Variants in EIF2AK2 observed in about 807,000 individuals in gnomAD.
The protein encoded by EIF2AK2 is eukaryotic translation initiation factor 2 alpha kinase 2.
EIF2AK2 carries 40 observed loss-of-function variants against 70.5 expected under a neutral mutation model. That is an observed-to-expected ratio of 0.57 (90% confidence interval 0.44 to 0.74). EIF2AK2 has a LOEUF of 0.74. Among genes scored for constraint, EIF2AK2 ranks in the 30% least tolerant of loss-of-function variants. EIF2AK2 has a pLI of 0.00. For missense variants in EIF2AK2, 555 were observed against 644.3 expected, an observed-to-expected ratio of 0.86 and a Z score of 1.50; for synonymous variants, 198 against 220.9, an observed-to-expected ratio of 0.90 and a Z score of 0.92.
chr2:37,109,714 T>G (rs920675168), intron 14 of EIF2AK2, among the ~76,000 whole-genome samples: 1 of 152,242 alleles, frequency 6.6e-6, no homozygotes, highest in African/African-American at 2.4e-5. Flanking sequence ...TGTGGCATAT[T>G]CATACAATGG....
chr2:37,142,409 A>T (rs1032869782), intron 4 of EIF2AK2, among the ~76,000 whole-genome samples: 8 of 152,168 alleles, frequency 5.3e-5, no homozygotes, highest in African/African-American at 1.9e-4. Flanking sequence ...CTAGGATTAG[A>T]GGTGTGAGCC....
Position 37,117,332 on chromosome 2 carries a change from G to C in EIF2AK2, c.1249-2473C>G, listed in dbSNP as rs570420340. Among the ~76,000 whole-genome samples, 4 of 152,264 alleles carry C rather than the reference G, an allele frequency of 2.6e-5. No individual in the cohort carries two copies. In the East Asian group the frequency reaches 7.7e-4, roughly 29 times the overall value. ...GTCGGCAGATCACTTGAGCTCAGGAGTTCGAGACCAACCAGGGCAACATGG... is the reference window on the plus strand; with the variant it reads ...GTCGGCAGATCACTTGAGCTCAGGACTTCGAGACCAACCAGGGCAACATGG... On this transcript the variant is annotated intron_variant, in intron 13 of 16. Coordinates refer to ENST00000233057, the MANE Select transcript of EIF2AK2 (RefSeq NM_001135651.3).
At chr2:37,117,850 T>G (rs981246538) in intron 13 of EIF2AK2, among the ~76,000 whole-genome samples, 2 of 152,160 alleles carry the variant, frequency 1.3e-5, no homozygotes, top group African/African-American at 4.8e-5. Context: ...AGAGGGGCTG[T>G]GTTAGGTAAA....
At chr2:37,153,737 G>A (rs924410877) in intron 1 of EIF2AK2, among the ~76,000 whole-genome samples, 1 of 152,082 alleles carries the variant, frequency 6.6e-6, no homozygotes, top group Non-Finnish European at 1.5e-5. Flanking sequence ...ATTTATGAAT[G>A]GACACTGGTT....
chr2:37,148,351 TAAGTG>T, intron 2 of EIF2AK2, among the ~76,000 whole-genome samples: 1 of 152,120 alleles, frequency 6.6e-6, no homozygotes, highest in East Asian at 1.9e-4. Context: ...GTATATATAA[TAAGTG>T]AAGTGGAGTG....
At chr2:37,119,378 A>C (rs992429857) in intron 13 of EIF2AK2, among the ~76,000 whole-genome samples, 1 of 152,100 alleles carries the variant, frequency 6.6e-6, no homozygotes, top group Non-Finnish European at 1.5e-5. Context: ...CATATTCCTA[A>C]AGCAACAGTC....
intron 5 of EIF2AK2, among the ~76,000 whole-genome samples, chr2:37,141,288 G>A (rs1203288760): frequency 6.6e-6 from 1 of 152,014 alleles, no homozygotes; most frequent in Non-Finnish European, 1.5e-5. Flanking sequence ...TACTCTCTTG[G>A]GTGTTCCACA....
At chr2:37,138,202 T>G (rs1675195386) in intron 8 of EIF2AK2, 68 bp downstream of exon 8, 9 of 1,243,444 alleles carry the variant, frequency 7.2e-6, no homozygotes, top group Non-Finnish European at 9.1e-6. Flanking sequence ...ATACTGGAAG[T>G]TATTTTTAAA....
In EIF2AK2 at chr2:37,099,624, G is replaced by C. The variant is rs914053276; in HGVS notation, c.*7649C>G. On this transcript the variant is annotated 3_prime_UTR_variant, in exon 17 of 17. Coordinates refer to ENST00000233057, the MANE Select transcript of EIF2AK2 (RefSeq NM_001135651.3). ...TTTGATATGCAAAGTTATGAGGAAA[G>C]AGTTACTGTATAATCCAGCCATTCT... The C allele has an allele frequency of 1.3e-5, 2 of 152,190 alleles. No homozygotes were observed. The highest frequency in any genetic ancestry group is 1.3e-4 in the Admixed American group (2 of 15,282). 9.4% of individuals were successfully genotyped at this position (152,190 alleles called of 1,614,324 possible).
intron 3 of EIF2AK2, among the ~76,000 whole-genome samples, 192 bp from the exon 4 acceptor site, chr2:37,147,165 T>C (rs1202814500): frequency 6.6e-6 from 1 of 152,172 alleles, no homozygotes; most frequent in Non-Finnish European, 1.5e-5. Flanking sequence ...TCTACCCTCT[T>C]TTCTCTCTGG....
chr2:37,138,049 T>A (rs1573026922), intron 8 of EIF2AK2, among the ~76,000 whole-genome samples: 1 of 141,542 alleles, frequency 7.1e-6, no homozygotes, highest in African/African-American at 2.7e-5. Flanking sequence ...GTGGAGGTGG[T>A]AATTAGCCAA....
intron 1 of EIF2AK2, chr2:37,149,346 C>G (rs1168700302): frequency 4.2e-6 from 3 of 718,500 alleles, no homozygotes; most frequent in Non-Finnish European, 7.0e-6. Context: ...GTCTTTATTT[C>G]TAAAATTCGG....
At position 37,099,442 on chromosome 2, in the gene EIF2AK2, A is replaced by G. The variant is rs1244660097; in HGVS notation, c.*7831T>C. 3 of 152,226 alleles carry G rather than the reference A, an allele frequency of 2.0e-5. No homozygotes were observed. The highest frequency in any genetic ancestry group is 2.1e-4 in the South Asian group (1 of 4,834). 9.4% of individuals were successfully genotyped at this position (152,226 alleles called of 1,614,324 possible). ...ATGAAATTAGCAGTATAATGAAGAAAAGTGCTGTGTAGGAATGACTGAGCT... is the reference window on the plus strand; with the variant it reads ...ATGAAATTAGCAGTATAATGAAGAAGAGTGCTGTGTAGGAATGACTGAGCT... On this transcript the variant is annotated 3_prime_UTR_variant, in exon 17 of 17. Transcript: ENST00000233057.
intron 8 of EIF2AK2, among the ~76,000 whole-genome samples, chr2:37,137,352 T>A (rs919786147): frequency 1.3e-5 from 2 of 152,250 alleles, no homozygotes; most frequent in Non-Finnish European, 2.9e-5. Context: ...GCTTGCCATT[T>A]TCTTATTGAT....
intron 4 of EIF2AK2, among the ~76,000 whole-genome samples, chr2:37,143,497 A>T (rs973005897): frequency 1.3e-5 from 2 of 152,174 alleles, no homozygotes; most frequent in African/African-American, 4.8e-5. Context: ...CCAATCATGG[A>T]TCAAAAATAT....
chr2:37,121,941 A>G (rs2148678558), intron 12 of EIF2AK2, among the ~76,000 whole-genome samples: 1 of 152,270 alleles, frequency 6.6e-6, no homozygotes, highest in South Asian at 2.1e-4. Flanking sequence ...GCTCTTTAGG[A>G]TCTCCAGTTG....
chr2:37,145,679 T>C (rs1195546559), intron 4 of EIF2AK2, among the ~76,000 whole-genome samples: 1 of 150,408 alleles, frequency 6.6e-6, no homozygotes, highest in Admixed American at 6.6e-5. Flanking sequence ...TCAGGGCAAC[T>C]TCCAGTCCTG....
At chr2:37,151,537 T>C (rs1162591968) in intron 1 of EIF2AK2, among the ~76,000 whole-genome samples, 1 of 152,196 alleles carries the variant, frequency 6.6e-6, no homozygotes, top group Non-Finnish European at 1.5e-5. Flanking sequence ...CTGGGGTTCC[T>C]CTAGAAGGTA....
At chr2:37,132,139 C>G (rs1674963183) in intron 10 of EIF2AK2, among the ~76,000 whole-genome samples, 1 of 152,158 alleles carries the variant, frequency 6.6e-6, no homozygotes, top group Non-Finnish European at 1.5e-5. Flanking sequence ...TTGGGCAAAA[C>G]ACACCTCAAC....
Sources: gnomAD v4.1 joint callset for allele counts (sites outside exome capture counted in the v4.1 genomes callset) on GRCh38, gnomAD v4.1.1 for gene constraint, MANE v1.5 for transcripts, NCBI Gene and HGNC (gene_info 2026-07-23, HGNC 2026-07-21) for gene names.